MRPL32: variants seen among roughly 807,000 people sequenced by gnomAD.
MRPL32 encodes mitochondrial ribosomal protein L32.
A neutral mutation model predicts 21.7 loss-of-function variants in MRPL32; 14 were observed. That is an observed-to-expected ratio of 0.64 (90% CI 0.43 to 1.01). The LOEUF (loss-of-function observed/expected upper bound fraction) is 1.01. Ranked by LOEUF, MRPL32 falls within the 50% of genes least tolerant of loss-of-function variation. The pLI is 0.00. For missense variants in MRPL32, 211 were observed against 235.9 expected (o/e 0.89, Z 0.69); for synonymous variants, 83 against 87.7 (o/e 0.95, Z 0.30).
intron 1 of MRPL32, among the ~76,000 whole-genome samples, chr7:42,933,894 T>C (rs188740366): frequency 6.6e-6 from 1 of 152,312 alleles, no homozygotes; most frequent in Admixed American, 6.5e-5. Context: ...TGCTTGGCAA[T>C]ACTTGTGGAC....
chr7:42,932,396 G>A lies in MRPL32; in HGVS notation c.10G>A (p.Ala4Thr), dbSNP rs1269710787. 1 of 1,609,320 alleles carries A rather than the reference G, an allele frequency of 6.2e-7. No individual in the cohort carries two copies. The highest frequency in any genetic ancestry group is 1.7e-4 in the Middle Eastern group (1 of 6,000). Residue 4 changes from alanine (A) to threonine (T), a missense_variant, in exon 1 of 3, where the codon GCC becomes ACC. Around this residue, in one of 2 missense-constraint regions of MRPL32, gnomAD observed 81 missense variants for 55.8 expected, o/e 1.45. Coordinates refer to ENST00000223324, the MANE Select transcript of MRPL32 (RefSeq NM_031903.3). MAL[A>T]MLVLVVSPWS... ...TCTTCCAGCAGGGAAAATGGCGCTG[G>A]CCATGCTGGTCTTGGTGGTTTCGCC...
chr7:42,936,368 G>A (rs1235208778), intron 2 of MRPL32: 2 of 152,194 alleles, frequency 1.3e-5, no homozygotes, highest in African/African-American at 4.8e-5. Flanking sequence ...AAGACCAGCT[G>A]ACTGTGGGTG....
intron 1 of MRPL32, among the ~76,000 whole-genome samples, chr7:42,932,726 C>T (rs1188157921): frequency 6.6e-6 from 1 of 150,844 alleles, no homozygotes; most frequent in Non-Finnish European, 1.5e-5. Flanking sequence ...AAAAATTCCT[C>T]TGCTTGTTCC....
At position 42,935,016 on chromosome 7, in the gene MRPL32, A is replaced by G. The variant is rs369229745; in HGVS notation, c.192A>G (p.Gly64=). ...MFTEPANDTS[G]SKENSSLLDS... ...CAGAGCCAGCAAATGATACCAGTGG[A>G]AGTAAAGAGAATTCCAGCCTTTTGG... is the stretch of plus-strand genomic sequence containing the variant. Residue 64 remains glycine, a synonymous_variant, in exon 2 of 3, where the codon GGA becomes GGG. Coordinates refer to ENST00000223324, the MANE Select transcript of MRPL32 (RefSeq NM_031903.3). 2.5e-6 allele frequency: 4 copies of G among 1,614,052 alleles called. No homozygotes were observed. Among genetic ancestry groups the G allele is most frequent in the South Asian group, 1.1e-5 (1 of 91,052 alleles).
chr7:42,932,678 C>G (rs1456480350), intron 1 of MRPL32, among the ~76,000 whole-genome samples, 162 bp downstream of exon 1: 1 of 128,944 alleles, frequency 7.8e-6, no homozygotes, highest in East Asian at 2.3e-4. Context: ...AACAGAACGA[C>G]TGTTTTTGCG....
At chr7:42,932,832 T>C (rs570910426) in intron 1 of MRPL32, among the ~76,000 whole-genome samples, 16 of 73,730 alleles carry the variant, frequency 2.2e-4, no homozygotes, top group African/African-American at 4.9e-4. Context: ...CAGTAACTAC[T>C]GCAGGTAAAG....
chr7:42,936,890 TTCTTA>T (rs1399517161), intron 2 of MRPL32: 2 of 286,898 alleles, frequency 7.0e-6, no homozygotes, highest in Admixed American at 9.5e-5. Context: ...ACTTGTAATG[TTCTTA>T]TCTTGTTTTC....
At chr7:42,935,275 A>T in intron 2 of MRPL32, 139 bp downstream of exon 2, 1 of 687,712 alleles carries the variant, frequency 1.5e-6, no homozygotes, top group Non-Finnish European at 2.4e-6. Context: ...GAAATACAGT[A>T]TTCTCATTAT....
At chr7:42,933,470 CCCCCTCT>C (rs969456203) in intron 1 of MRPL32, among the ~76,000 whole-genome samples, 4 of 151,360 alleles carry the variant, frequency 2.6e-5, no homozygotes, top group Non-Finnish European at 5.9e-5. Context: ...TTCCCCTCTC[CCCCCTCT>C]CCTCTTCCCT....
In MRPL32 at chr7:42,937,438, G is replaced by A. The variant is rs750323789; in HGVS notation, c.429G>A (p.Lys143=). 1.2e-6 allele frequency: 2 copies of A among 1,614,150 alleles called. No homozygotes were observed. Among genetic ancestry groups the A allele is most frequent in the Non-Finnish European group, 1.7e-6 (2 of 1,180,032 alleles). ...ETAEIRRQIG[K]QEGGPFKAPT... is the part of the protein sequence containing the mutation. ...CAGAAATCAGACGACAGATAGGGAA[G>A]CAAGAAGGGGGCCCTTTTAAGGCTC... Residue 143 remains lysine, a synonymous_variant, in exon 3 of 3, where the codon AAG becomes AAA. Coordinates refer to ENST00000223324, the MANE Select transcript of MRPL32 (RefSeq NM_031903.3).
chr7:42,932,535 C>A lies in MRPL32; in HGVS notation c.130+19C>A. 2 of 1,577,372 alleles carry A rather than the reference C, an allele frequency of 1.3e-6. No individual in the cohort carries two copies. The highest frequency in any genetic ancestry group is 1.1e-5 in the South Asian group (1 of 88,954). On this transcript the variant is annotated intron_variant, in intron 1 of 2. Transcript: ENST00000223324. ...CCGTGGGGTAGGTAAAGAAGGGCTC[C>A]GTGGGAGAGGGGGCTGATGACGGGA...
chr7:42,933,281 C>G (rs1419481909), intron 1 of MRPL32, among the ~76,000 whole-genome samples: 1 of 151,904 alleles, frequency 6.6e-6, no homozygotes, highest in Non-Finnish European at 1.5e-5. Context: ...CGAGGTCATC[C>G]TAGGATACAG....
At chr7:42,935,212 C>A in intron 2 of MRPL32, 76 bp downstream of exon 2, 1 of 1,244,860 alleles carries the variant, frequency 8.0e-7, no homozygotes, top group Non-Finnish European at 1.1e-6. Flanking sequence ...TTCCTATAGC[C>A]TAGGAATAAA....
intron 1 of MRPL32, among the ~76,000 whole-genome samples, chr7:42,933,951 A>G (rs1786378257): frequency 6.6e-6 from 1 of 152,144 alleles, no homozygotes; most frequent in Non-Finnish European, 1.5e-5. Flanking sequence ...AACTTTGTGT[A>G]TTTTTAAGAG....
At position 42,934,977 on chromosome 7, in the gene MRPL32, C is replaced by G. The variant is rs1472340106; in HGVS notation, c.153C>G (p.Gly51=). ...PPWGPALAVQ[G]PAMFTEPAND... Reference sequence around the variant, plus strand: ...TAGGACCAGCATTAGCAGTACAGGGCCCAGCCATGTTTACAGAGCCAGCAA... The same window carrying G: ...TAGGACCAGCATTAGCAGTACAGGGGCCAGCCATGTTTACAGAGCCAGCAA... The change falls in exon 2 of 3, where the codon GGC becomes GGG. Residue 51 remains glycine (G), a synonymous_variant. Transcript: ENST00000223324. 6.2e-7 allele frequency: 1 copy of G among 1,612,068 alleles called. No homozygotes were observed. Among genetic ancestry groups the G allele is most frequent in the Non-Finnish European group, 8.5e-7 (1 of 1,179,194 alleles).
Position 42,932,475 on chromosome 7 carries a change from A to G in MRPL32, c.89A>G (p.Lys30Arg). ...AACTACTGGGAGCGACTGCTACGGA[A>G]GCTTCCGCAGAGCCGGCCGGGCTTT... ...LRNYWERLLR[K>R]LPQSRPGFPS... The change falls in exon 1 of 3, where the codon AAG becomes AGG. Residue 30 changes from lysine to arginine, a missense_variant. Around this residue, in one of 2 missense-constraint regions of MRPL32, gnomAD observed 81 missense variants for 55.8 expected, o/e 1.45. Coordinates refer to ENST00000223324, the MANE Select transcript of MRPL32 (RefSeq NM_031903.3). 6.2e-7 allele frequency: 1 copy of G among 1,610,764 alleles called. No homozygotes were observed. Among genetic ancestry groups the G allele is most frequent in the Non-Finnish European group, 8.5e-7 (1 of 1,177,504 alleles).
At chr7:42,934,224 C>T (rs987494205) in intron 1 of MRPL32, among the ~76,000 whole-genome samples, 5 of 149,628 alleles carry the variant, frequency 3.3e-5, no homozygotes, top group Admixed American at 2.7e-4. Flanking sequence ...GCCGAGGTCA[C>T]GCCACTGCAC....
chr7:42,932,580 C>T (rs1786341276), intron 1 of MRPL32, 64 bp downstream of exon 1: 1 of 1,504,888 alleles, frequency 6.6e-7, no homozygotes, highest in South Asian at 1.3e-5. Flanking sequence ...GCGTAGCAGA[C>T]GCAGCTTACA....
rs1583613455 is a variant in MRPL32 at position 42,934,934 on chromosome 7, C to A, written c.131-21C>A. The stretch of plus-strand genomic sequence containing the variant: ...TAGAAGCTAGAAACTAATTCTGTAT[C>A]TCTTATGTTTTATTTCCTAGGACCA... On this transcript the variant is annotated intron_variant, in intron 1 of 2. Transcript: ENST00000223324. 7.2e-6 allele frequency: 11 copies of A among 1,519,372 alleles called. No individual in the cohort carries two copies. In the East Asian group the frequency reaches 2.5e-4, roughly 35 times the overall value. 94.1% of individuals were successfully genotyped at this position (1,519,372 alleles called of 1,614,324 possible). A position where few individuals can be genotyped will look rare whatever the true frequency, so the allele number is the denominator to read the frequency against.
Sources: gnomAD v4.1 joint callset for allele counts (sites outside exome capture counted in the v4.1 genomes callset) on GRCh38, gnomAD v4.1.1 for gene constraint, gnomAD v4.1.1 regional missense constraint, MANE v1.5 for transcripts, NCBI Gene and HGNC (gene_info 2026-07-23, HGNC 2026-07-21) for gene names.